The following PDE10A variants were observed in gnomAD, a reference collection of about 807,000 sequenced individuals.
PDE10A encodes the protein phosphodiesterase 10A, also known as cAMP and cAMP-inhibited cGMP 3',5'-cyclic phosphodiesterase 10A.
A neutral mutation model predicts 97.7 loss-of-function variants in PDE10A; 39 were observed. That is an observed-to-expected ratio of 0.40 (90% CI 0.31 to 0.52). The LOEUF (loss-of-function observed/expected upper bound fraction) is 0.52. PDE10A is among the 20% of genes least tolerant of loss of function. The probability of loss-of-function intolerance (pLI) is 0.56; values close to 1 mark genes in which losing one functional copy is unlikely to be tolerated. For synonymous variants in PDE10A, 371 were observed against 376.8 expected (o/e 0.98, Z 0.18); for missense variants, 731 against 1,047.8 (o/e 0.70, Z 4.17).
intron 1 of PDE10A, among the ~76,000 whole-genome samples, chr6:165,587,734 T>TA (rs1175637731): frequency 1.1e-3 from 168 of 151,494 alleles, no homozygotes; most frequent in Admixed American, 3.2e-3. Context: ...AAATTACTGT[T>TA]AAAAAAAAAT....
Position 165,962,711 on chromosome 6 carries a change from C to T in PDE10A, c.-615+24818G>A, listed in dbSNP as rs548081643. On this transcript the variant is annotated intron_variant, in intron 1 of 19. Coordinates refer to the PDE10A transcript ENST00000366882. ...TCATATCTAGGCCCAAACTAGCCAG[C>T]AGAGGCGAAAGATTAACTGTCCTCA... 2.0e-5 allele frequency among the ~76,000 whole-genome samples: 3 copies of T among 152,314 alleles called. No homozygotes were observed. In the South Asian group the frequency reaches 6.2e-4, roughly 32 times the overall value.
intron 1 of PDE10A, among the ~76,000 whole-genome samples, chr6:165,618,859 T>C (rs1009264639): frequency 6.6e-6 from 1 of 152,212 alleles, no homozygotes; most frequent in Admixed American, 6.5e-5. Context: ...GAATGTTACA[T>C]AGGTACTAAA....
At chr6:165,452,518 T>A (rs1445932555) in intron 3 of PDE10A, among the ~76,000 whole-genome samples, 1 of 152,186 alleles carries the variant, frequency 6.6e-6, no homozygotes, top group Non-Finnish European at 1.5e-5. Context: ...TGATAAAAGA[T>A]ATCTTTGGTC....
At chr6:165,613,297 T>C (rs1787580970) in intron 1 of PDE10A, among the ~76,000 whole-genome samples, 1 of 152,166 alleles carries the variant, frequency 6.6e-6, no homozygotes, top group African/African-American at 2.4e-5. Context: ...AATCAAGAAA[T>C]TGCCTGTTTG....
chr6:165,702,282 C>T (rs1791599212), intron 1 of PDE10A, among the ~76,000 whole-genome samples: 2 of 152,220 alleles, frequency 1.3e-5, no homozygotes, highest in Non-Finnish European at 2.9e-5. Context: ...TGAAAACTCC[C>T]TGCCTCTTCT....
chr6:165,433,998 C>T (rs1789803235), intron 6 of PDE10A, among the ~76,000 whole-genome samples: 1 of 114,496 alleles, frequency 8.7e-6, no homozygotes, highest in Non-Finnish European at 1.6e-5. Context: ...GCCTGGGCGA[C>T]ACAGCGAGAC....
chr6:165,467,911 C>T (rs1336448257), intron 3 of PDE10A, among the ~76,000 whole-genome samples: 1 of 152,092 alleles, frequency 6.6e-6, no homozygotes, highest in Non-Finnish European at 1.5e-5. Flanking sequence ...TTTATTTTTG[C>T]CTTATTTTTA....
intron 2 of PDE10A, among the ~76,000 whole-genome samples, chr6:165,484,340 G>A (rs1779775625): frequency 6.6e-6 from 1 of 152,242 alleles, no homozygotes; most frequent in African/African-American, 2.4e-5. Flanking sequence ...CACACAGCAG[G>A]AGGTGAGCGG....
intron 2 of PDE10A, among the ~76,000 whole-genome samples, chr6:165,529,232 G>T (rs755308023): frequency 6.6e-6 from 1 of 152,202 alleles, no homozygotes; most frequent in Admixed American, 6.5e-5. Flanking sequence ...CTATCAAGAT[G>T]AAATCAGTCT....
intron 1 of PDE10A, among the ~76,000 whole-genome samples, chr6:165,973,572 GA>G (rs60693155): frequency 0.95 from 141,952 of 148,908 alleles, 67,677 homozygotes; most frequent in East Asian, 1. Flanking sequence ...TCTTTTTTAT[GA>G]AAAAAAAAAA....
rs375597231 is a variant in PDE10A, at chr6:165,946,976, G to A, written c.-615+40553C>T. The A allele has an allele frequency of 5.3e-5, 8 of 151,660 alleles. No homozygotes were observed. In the South Asian group the frequency reaches 1.0e-3, roughly 20 times the overall value. The allele number at this position is 151,660 out of a possible 1,614,324, so 9.4% of individuals were successfully genotyped here. ...GAATCTTCATCTTATATAATATCTA[G>A]TCCACGTTCAAATTTACTCGGTTGC... On this transcript the variant is annotated intron_variant, in intron 1 of 19. Transcript: ENST00000366882.
chr6:165,750,520 C>G (rs1057028526), intron 1 of PDE10A, among the ~76,000 whole-genome samples: 1 of 152,154 alleles, frequency 6.6e-6, no homozygotes, highest in Admixed American at 6.5e-5. Context: ...GGACCTCAGA[C>G]TTGTCAAGGG....
intron 1 of PDE10A, among the ~76,000 whole-genome samples, chr6:165,818,655 A>G (rs976605250): frequency 2.0e-5 from 3 of 152,228 alleles, no homozygotes; most frequent in South Asian, 4.1e-4. Flanking sequence ...CAAGAACATT[A>G]TTTTATGAAT....
intron 1 of PDE10A, among the ~76,000 whole-genome samples, chr6:165,586,662 G>A (rs1785931539): frequency 6.6e-6 from 1 of 152,086 alleles, no homozygotes; most frequent in Admixed American, 6.5e-5. Context: ...CTACCATATT[G>A]TAGTTTACTA....
chr6:165,386,125 G>A (rs3799162), intron 17 of PDE10A, among the ~76,000 whole-genome samples: 42,108 of 151,826 alleles, frequency 0.28, 6,745 homozygotes, highest in Middle Eastern at 0.37. Flanking sequence ...TAGGAACACC[G>A]CCTTAAGTAA....
intron 1 of PDE10A, among the ~76,000 whole-genome samples, chr6:165,855,480 T>C (rs994778327): frequency 6.6e-6 from 1 of 151,244 alleles, no homozygotes; most frequent in Admixed American, 6.6e-5. Context: ...CCCCTAACAG[T>C]CATTGGCCGC....
At chr6:165,600,155 A>G (rs1445692895) in intron 1 of PDE10A, among the ~76,000 whole-genome samples, 1 of 152,148 alleles carries the variant, frequency 6.6e-6, no homozygotes, top group African/African-American at 2.4e-5. Flanking sequence ...AATCTGACAC[A>G]TTATAATCAC....
chr6:165,651,938 A>T (rs559782245), intron 1 of PDE10A, among the ~76,000 whole-genome samples: 2 of 152,126 alleles, frequency 1.3e-5, no homozygotes, highest in East Asian at 1.9e-4. Context: ...CACTTATATC[A>T]TCCTTTAGAT....
chr6:165,663,760 A>G (rs541685207), upstream of PDE10A, among the ~76,000 whole-genome samples: 37 of 152,324 alleles, frequency 2.4e-4, 1 homozygote, highest in Admixed American at 2.2e-3. Flanking sequence ...GAGAACGGAA[A>G]GGGCAAACTG....
Sources: allele counts gnomAD v4.1 joint callset (sites outside exome capture counted in the v4.1 genomes callset), GRCh38; gene constraint gnomAD v4.1.1; transcripts MANE v1.5; gene names NCBI Gene and HGNC (gene_info 2026-07-23, HGNC 2026-07-21).